The following LYPD6B variants were observed in gnomAD, a reference collection of about 807,000 sequenced individuals.
LYPD6B encodes ly6/PLAUR domain-containing protein 6B.
A neutral mutation model predicts 22.8 loss-of-function variants in LYPD6B; 17 were observed. That is an observed-to-expected ratio of 0.75 (90% CI 0.51 to 1.12). The LOEUF is 1.12. Ranked by LOEUF, LYPD6B falls within the 50% of genes most tolerant of loss-of-function variation. The pLI is 0.00. For synonymous variants in LYPD6B, 106 were observed against 91.6 expected, an observed-to-expected ratio of 1.16 and a Z score of -0.90; for missense variants, 221 against 258.3, an observed-to-expected ratio of 0.86 and a Z score of 0.99.
chr2:149,198,666 G>A (rs1438269612), intron 3 of LYPD6B, among the ~76,000 whole-genome samples: 1 of 152,132 alleles, frequency 6.6e-6, no homozygotes, highest in Non-Finnish European at 1.5e-5. Flanking sequence ...GTTGCATGTA[G>A]TAGAAAAAGC....
At chr2:149,181,693 C>G (rs1237826176) in intron 3 of LYPD6B, among the ~76,000 whole-genome samples, 1 of 152,198 alleles carries the variant, frequency 6.6e-6, no homozygotes, top group Non-Finnish European at 1.5e-5. Context: ...ATTTTCCTAT[C>G]ATACCCTGTT....
At chr2:149,195,827 C>T (rs1232846755) in intron 3 of LYPD6B, among the ~76,000 whole-genome samples, 3 of 152,118 alleles carry the variant, frequency 2.0e-5, no homozygotes, top group African/African-American at 7.2e-5. Context: ...CTTTAATTTG[C>T]ATAAAACTCT....
intron 3 of LYPD6B, among the ~76,000 whole-genome samples, chr2:149,198,102 G>A (rs1027888997): frequency 6.6e-6 from 1 of 151,698 alleles, no homozygotes; most frequent in African/African-American, 2.4e-5. Context: ...GAGTGCAGTG[G>A]CATGACCTCG....
chr2:149,160,925 A>G (rs1254045827), intron 3 of LYPD6B, 90 bp downstream of exon 3: 1 of 962,444 alleles, frequency 1.0e-6, no homozygotes, highest in Admixed American at 2.0e-5. Flanking sequence ...AAGTCCCGGG[A>G]CCCTGTGTTT....
chr2:149,208,570 A>T (rs1026505426), intron 5 of LYPD6B, among the ~76,000 whole-genome samples, 158 bp downstream of exon 5: 2 of 152,216 alleles, frequency 1.3e-5, no homozygotes, highest in African/African-American at 4.8e-5. Context: ...AAAGACTCTA[A>T]CTGAAGTTGA....
intron 3 of LYPD6B, among the ~76,000 whole-genome samples, chr2:149,197,383 ACGCCTATAGTCC>A (rs1692878316): frequency 6.6e-6 from 1 of 152,204 alleles, no homozygotes; most frequent in Non-Finnish European, 1.5e-5. Context: ...GTGGTGGCAC[ACGCCTATAGTCC>A]CAGCTACTCA....
At chr2:149,092,228 T>A (rs1408798307) in intron 1 of LYPD6B, among the ~76,000 whole-genome samples, 1 of 151,508 alleles carries the variant, frequency 6.6e-6, no homozygotes, top group Non-Finnish European at 1.5e-5. Flanking sequence ...GAAGACAGGG[T>A]TTAATGTGTG....
intron 5 of LYPD6B, among the ~76,000 whole-genome samples, chr2:149,212,075 T>C (rs1693886902): frequency 6.6e-6 from 1 of 151,856 alleles, no homozygotes; most frequent in African/African-American, 2.4e-5. Flanking sequence ...AGAACCAGAA[T>C]AGAAATTATT....
intron 3 of LYPD6B, among the ~76,000 whole-genome samples, chr2:149,197,550 G>C (rs541127726): frequency 4.5e-4 from 68 of 152,132 alleles, no homozygotes; most frequent in Non-Finnish European, 8.5e-4. Flanking sequence ...GATGCATCTG[G>C]AGGTCCTCAA....
chr2:149,073,407 G>A (rs1017519432), intron 1 of LYPD6B, among the ~76,000 whole-genome samples: 10 of 152,108 alleles, frequency 6.6e-5, no homozygotes, highest in African/African-American at 1.7e-4. Context: ...TTCTTGGTCC[G>A]TGTTTCTGAG....
intron 1 of LYPD6B, among the ~76,000 whole-genome samples, chr2:149,052,602 A>G (rs1041075397): frequency 6.6e-6 from 1 of 152,166 alleles, no homozygotes; most frequent in East Asian, 1.9e-4. Flanking sequence ...GCTACTCCCT[A>G]TTCCCCACCA....
intron 1 of LYPD6B, among the ~76,000 whole-genome samples, chr2:149,043,261 G>A (rs1272512071): frequency 6.6e-6 from 1 of 152,016 alleles, no homozygotes; most frequent in East Asian, 1.9e-4. Context: ...CTTTACTAAG[G>A]ACTTGTATGA....
intron 3 of LYPD6B, among the ~76,000 whole-genome samples, chr2:149,195,207 C>T (rs1019477074): frequency 1.3e-5 from 2 of 152,194 alleles, no homozygotes; most frequent in Admixed American, 6.5e-5. Flanking sequence ...TAGACTGGGC[C>T]TTCTCTGCCC....
At chr2:149,116,162 A>G (rs1482774) in intron 1 of LYPD6B, among the ~76,000 whole-genome samples, 6,382 of 152,324 alleles carry the variant, frequency 0.042, 456 homozygotes, top group East Asian at 0.3. Context: ...CCATATTCAC[A>G]TAACTTTTAT....
At chr2:149,186,704 A>C (rs1692130257) in intron 3 of LYPD6B, among the ~76,000 whole-genome samples, 1 of 152,206 alleles carries the variant, frequency 6.6e-6, no homozygotes, top group Non-Finnish European at 1.5e-5. Context: ...TTCTGGACTC[A>C]AGTAAGCCTC....
chr2:149,195,358 C>G (rs921424248), intron 3 of LYPD6B, among the ~76,000 whole-genome samples: 1 of 152,122 alleles, frequency 6.6e-6, no homozygotes, highest in Admixed American at 6.5e-5. Context: ...ACCTTCAAAG[C>G]AGAATGGGAA....
chr2:149,195,169 T>C (rs1318314557), intron 3 of LYPD6B, among the ~76,000 whole-genome samples: 11 of 152,216 alleles, frequency 7.2e-5, no homozygotes, highest in Admixed American at 7.2e-4. Context: ...CTGTGTTCAC[T>C]TAGAGACCTT....
At position 149,214,779 on chromosome 2, in the gene LYPD6B, A is replaced by G; in HGVS notation, c.*69A>G. ...AAGCCAAAAACTGTGTGAACGGTGAACTTTGGAGTGAAGATCAATCTTGCA... is the reference window on the plus strand; with the variant it reads ...AAGCCAAAAACTGTGTGAACGGTGAGCTTTGGAGTGAAGATCAATCTTGCA... On this transcript the variant is annotated 3_prime_UTR_variant, in exon 7 of 7. Transcript: ENST00000409642. The G allele has an allele frequency of 6.6e-7, 1 of 1,507,002 alleles. No homozygotes were observed. The allele number at this position is 1,507,002 out of a possible 1,614,324, so 93.4% of individuals were successfully genotyped here. A position where few individuals can be genotyped will look rare whatever the true frequency, so the allele number is the denominator to read the frequency against.
chr2:149,198,553 T>A (rs997355439), intron 3 of LYPD6B, among the ~76,000 whole-genome samples: 1 of 152,200 alleles, frequency 6.6e-6, no homozygotes, highest in Admixed American at 6.5e-5. Flanking sequence ...ACCCAAATTA[T>A]ACACTTATGG....
Sources: allele counts gnomAD v4.1 joint callset (sites outside exome capture counted in the v4.1 genomes callset), GRCh38; gene constraint gnomAD v4.1.1; transcripts MANE v1.5; gene names NCBI Gene and HGNC (gene_info 2026-07-23, HGNC 2026-07-21).